SAC3D1: variants seen among roughly 807,000 people sequenced by gnomAD.
SAC3D1 encodes SAC3 domain containing 1.
SAC3D1 carries 10 observed loss-of-function variants against 12.7 expected under a neutral mutation model. The observed-to-expected ratio is 0.79, with a 90% CI of 0.49 to 1.34. The LOEUF is 1.34. SAC3D1 is among the 40% of genes most tolerant of loss of function. The pLI, the probability that SAC3D1 is intolerant of heterozygous loss-of-function variation, is 0.00. For missense variants in SAC3D1, 482 were observed against 531.1 expected (o/e 0.91, Z 0.91); for synonymous variants, 241 against 250.8 (o/e 0.96, Z 0.37).
chr11:65,044,015 G>A lies in SAC3D1; in HGVS notation c.575-210G>A, dbSNP rs1259258277. Among the ~76,000 whole-genome samples the A allele has an allele frequency of 1.3e-5, 2 of 152,218 alleles. No individual in the cohort carries two copies. The highest frequency in any genetic ancestry group is 2.9e-5 in the Non-Finnish European group (2 of 68,042). ...CTTCAGTGTTGTAAGTAAGGATCTGGACTGCAGGAAGTCAAGAGCCTGAGG... is the reference window on the plus strand; with the variant it reads ...CTTCAGTGTTGTAAGTAAGGATCTGAACTGCAGGAAGTCAAGAGCCTGAGG... On this transcript the variant is annotated intron_variant, in intron 1 of 1. Coordinates refer to ENST00000652489, the MANE Select transcript of SAC3D1 (RefSeq NM_013299.4). This position sits in a 1 kb window ranked among gnomAD's most constrained non-coding sequence, Gnocchi z 4.0.
At chr11:65,042,250 A>G (rs964479468) in intron 1 of SAC3D1, among the ~76,000 whole-genome samples, 3 of 151,850 alleles carry the variant, frequency 2.0e-5, no homozygotes, top group Non-Finnish European at 4.4e-5. Flanking sequence ...GGCGCGCGCC[A>G]CCACACCCAG....
intron 1 of SAC3D1, 33 bp downstream of exon 1, chr11:65,041,899 T>G (rs1413914160): frequency 2.1e-6 from 3 of 1,398,602 alleles, no homozygotes; most frequent in Non-Finnish European, 2.8e-6. Context: ...GGGCAGAGCG[T>G]GGGGACAGGA....
chr11:65,042,927 G>A lies in SAC3D1; in HGVS notation c.574+1061G>A, dbSNP rs1157604512. ...TATAGTTCACTGCAGCCTCAACCTCGTGGGCTCAAGGGATCCTTCTGCCTC... is the reference window on the plus strand; with the variant it reads ...TATAGTTCACTGCAGCCTCAACCTCATGGGCTCAAGGGATCCTTCTGCCTC... On this transcript the variant is annotated intron_variant, in intron 1 of 1. Coordinates refer to ENST00000652489, the MANE Select transcript of SAC3D1 (RefSeq NM_013299.4). 1.6e-5 allele frequency: 5 copies of A among 320,296 alleles called. No homozygotes were observed. The East Asian group carries it at 4.9e-4, about 31-fold the overall frequency. The allele number at this position is 320,296 out of a possible 1,614,324, so 19.8% of individuals were successfully genotyped here. A position where few individuals can be genotyped will look rare whatever the true frequency, so the allele number is the denominator to read the frequency against.
Position 65,044,215 on chromosome 11 carries a change from G to T in SAC3D1, c.575-10G>T. 1 of 1,610,588 alleles carries T rather than the reference G, an allele frequency of 6.2e-7. No individual in the cohort carries two copies. The highest frequency in any genetic ancestry group is 8.5e-7 in the Non-Finnish European group (1 of 1,178,464). The stretch of plus-strand genomic sequence containing the variant: ...CCAGGCGTCCTCATTCTGGCTTCCC[G>T]CTCTCACAGGCTCGGTGGAAGCCCT... On this transcript the variant is annotated splice_polypyrimidine_tract_variant and intron_variant, in intron 1 of 1. Coordinates refer to ENST00000652489, the MANE Select transcript of SAC3D1 (RefSeq NM_013299.4). The surrounding 1 kb of genome is among the most constrained non-coding windows in gnomAD (Gnocchi z 4.0).
intron 1 of SAC3D1, chr11:65,043,056 C>T: frequency 2.2e-6 from 1 of 447,170 alleles, no homozygotes; most frequent in South Asian, 1.6e-5. Context: ...CACTCGAATT[C>T]CTGGGCTCAA....
At position 65,041,636 on chromosome 11, in the gene SAC3D1, A is replaced by G. The variant is rs1415282510; in HGVS notation, c.344A>G (p.Gln115Arg). 1 of 1,450,260 alleles carries G rather than the reference A, an allele frequency of 6.9e-7. No individual in the cohort carries two copies. Among genetic ancestry groups the G allele is most frequent in the South Asian group, 1.3e-5 (1 of 75,030 alleles). The allele number at this position is 1,450,260 out of a possible 1,614,324, so 89.8% of individuals were successfully genotyped here. ...LRAVLLDLAL[Q>R]GAGDAEAAVV... The stretch of plus-strand genomic sequence containing the variant: ...GCTGTGCTCCTGGACCTGGCGCTGC[A>G]GGGAGCGGGCGACGCCGAGGCAGCT... The change falls in exon 1 of 2, where the codon CAG becomes CGG. Residue 115 changes from glutamine to arginine, a missense_variant. Physicochemically the swap from Gln to Arg is conservative, Grantham distance 43. Coordinates refer to ENST00000652489, the MANE Select transcript of SAC3D1 (RefSeq NM_013299.4).
Position 65,044,458 on chromosome 11 carries a change from G to A in SAC3D1, c.808G>A (p.Gly270Ser). 1 of 1,613,962 alleles carries A rather than the reference G, an allele frequency of 6.2e-7. No individual in the cohort carries two copies. The highest frequency in any genetic ancestry group is 8.5e-7 in the Non-Finnish European group (1 of 1,180,034). ...CGCTCGTGCCTTTAGCACCCCCAAG[G>A]GCCAGACCTTGCCTCTGGGCTTCAT... The part of the protein sequence containing the change: ...RFARAFSTPK[G>S]QTLPLGFMVN... The change falls in exon 2 of 2, where the codon GGC (glycine) becomes AGC (serine). Residue 270 changes from glycine (G) to serine (S), a missense_variant. Coordinates refer to ENST00000652489, the MANE Select transcript of SAC3D1 (RefSeq NM_013299.4). The surrounding 1 kb of genome is among the most constrained non-coding windows in gnomAD (Gnocchi z 4.0).
rs1174409996 is a variant in SAC3D1, at chr11:65,041,211, C to T, written c.-82C>T. The T allele has an allele frequency of 1.6e-6, 2 of 1,213,034 alleles. No individual in the cohort carries two copies. Among genetic ancestry groups the T allele is most frequent in the East Asian group, 7.2e-5 (2 of 27,716 alleles). 75.1% of individuals were successfully genotyped at this position (1,213,034 alleles called of 1,614,324 possible). On this transcript the variant is annotated 5_prime_UTR_variant, in exon 1 of 2. Transcript: ENST00000652489. ...CCCGCCCCGACCCGCCGCTCCCCAC[C>T]CCCCGGCCGGCCTCGCGTGCCTTCC...
At position 65,044,661 on chromosome 11, in the gene SAC3D1, C is replaced by G; in HGVS notation, c.1011C>G (p.Thr337=). 1.2e-6 allele frequency: 2 copies of G among 1,613,678 alleles called. No individual in the cohort carries two copies. The highest frequency in any genetic ancestry group is 8.5e-7 in the Non-Finnish European group (1 of 1,180,008). ...VLVESKLRGR[T]LEEVVMAEEE... is the part of the protein sequence containing the mutation. ...TGGAGAGCAAACTTCGAGGACGTAC[C>G]CTGGAGGAGGTGGTCATGGCAGAGG... The change falls in exon 2 of 2, where the codon ACC becomes ACG. Residue 337 remains threonine, a synonymous_variant. Coordinates refer to ENST00000652489, the MANE Select transcript of SAC3D1 (RefSeq NM_013299.4). This position sits in a 1 kb window ranked among gnomAD's most constrained non-coding sequence, Gnocchi z 4.0.
In SAC3D1 at chr11:65,044,236, G is replaced by T. The variant is rs376396030; in HGVS notation, c.586G>T (p.Ala196Ser). 17 of 1,612,518 alleles carry T rather than the reference G, an allele frequency of 1.1e-5. No homozygotes were observed. In the African/African-American group the frequency reaches 2.3e-4, roughly 21 times the overall value. Residue 196 changes from alanine to serine, a missense_variant, in exon 2 of 2, where the codon GCC (alanine) becomes TCC (serine). Around this residue, in one of 3 missense-constraint regions of SAC3D1, gnomAD observed 225 missense variants for 241.1 expected, o/e 0.93. Transcript: ENST00000652489. This position sits in a 1 kb window ranked among gnomAD's most constrained non-coding sequence, Gnocchi z 4.0. The stretch of plus-strand genomic sequence containing the variant: ...TCCCGCTCTCACAGGCTCGGTGGAA[G>T]CCCTGCATGAGGTTCTACAGCTGCC... ...FLLYNLGSVE[A>S]LHEVLQLPAA...
Position 65,044,296 on chromosome 11 carries a change from G to GC in SAC3D1, c.648dup (p.Ala218GlyfsTer49), listed in dbSNP as rs1565212503. 6.2e-7 allele frequency: 1 copy of GC among 1,613,352 alleles called. No homozygotes were observed. The highest frequency in any genetic ancestry group is 1.1e-5 in the South Asian group (1 of 91,084). On this transcript the variant is annotated frameshift_variant, in exon 2 of 2. Transcript: ENST00000652489. LOFTEE classifies it low-confidence loss of function (END_TRUNC). The surrounding 1 kb of genome is among the most constrained non-coding windows in gnomAD (Gnocchi z 4.0). The stretch of plus-strand genomic sequence containing the variant: ...GCGCGCCTGCCCGCCCCTCCGCAAG[G>GC]CCTTGGCGGTAGATGCTGCCTTCCG...
rs1023517294 is a variant in SAC3D1, at chr11:65,041,890, G to A, written c.574+24G>A. The A allele has an allele frequency of 9.8e-5, 138 of 1,409,850 alleles. 1 individual carries two copies. In the East Asian group the frequency reaches 4.2e-3, roughly 43 times the overall value. The allele number at this position is 1,409,850 out of a possible 1,614,324, so 87.3% of individuals were successfully genotyped here. A position where few individuals can be genotyped will look rare whatever the true frequency, so the allele number is the denominator to read the frequency against. On this transcript the variant is annotated intron_variant, in intron 1 of 1. Transcript: ENST00000652489. ...GGGTGAGTCGGGATCCTGGCGGCTG[G>A]GCAGAGCGTGGGGACAGGAGCCCAC...
intron 1 of SAC3D1, 129 bp downstream of exon 1, chr11:65,041,995 ACCG>A: frequency 8.3e-7 from 1 of 1,204,642 alleles, no homozygotes; most frequent in African/African-American, 1.6e-5. Context: ...CACAAGATCC[ACCG>A]AGCCCCGACG....
In SAC3D1 at chr11:65,042,700, C is replaced by T. The variant is rs145908899; in HGVS notation, c.574+834C>T. Among the ~76,000 whole-genome samples the T allele has an allele frequency of 3.9e-3, 590 of 152,226 alleles. 3 individuals carry two copies. The highest frequency in any genetic ancestry group is 0.014 in the African/African-American group (573 of 41,538). ...GGGACTACAGGCGTGCACCACCACACCCGGCTAGTGTTTGGATATTTAGTA... is the reference window on the plus strand; with the variant it reads ...GGGACTACAGGCGTGCACCACCACATCCGGCTAGTGTTTGGATATTTAGTA... On this transcript the variant is annotated intron_variant, in intron 1 of 1. Coordinates refer to ENST00000652489, the MANE Select transcript of SAC3D1 (RefSeq NM_013299.4).
Position 65,044,456 on chromosome 11 carries a change from A to C in SAC3D1, c.806A>C (p.Lys269Thr). 6.2e-7 allele frequency: 1 copy of C among 1,613,954 alleles called. No homozygotes were observed. Among genetic ancestry groups the C allele is most frequent in the Non-Finnish European group, 8.5e-7 (1 of 1,180,034 alleles). ...TTCGCTCGTGCCTTTAGCACCCCCAAGGGCCAGACCTTGCCTCTGGGCTTC... is the reference window on the plus strand; with the variant it reads ...TTCGCTCGTGCCTTTAGCACCCCCACGGGCCAGACCTTGCCTCTGGGCTTC... ...ARFARAFSTP[K>T]GQTLPLGFMV... The change falls in exon 2 of 2, where the codon AAG (lysine) becomes ACG (threonine). Residue 269 changes from lysine to threonine, a missense_variant. Lys to Thr is a moderately conservative substitution (Grantham distance 78). Around this residue, in one of 3 missense-constraint regions of SAC3D1, gnomAD observed 225 missense variants for 241.1 expected, o/e 0.93. Coordinates refer to ENST00000652489, the MANE Select transcript of SAC3D1 (RefSeq NM_013299.4). The surrounding 1 kb of genome is among the most constrained non-coding windows in gnomAD (Gnocchi z 4.0).
upstream of SAC3D1, chr11:65,041,105 G>A: frequency 1.6e-6 from 1 of 631,434 alleles, no homozygotes; most frequent in East Asian, 3.4e-5. Context: ...CGACTGGACT[G>A]GGTGAGAGGA....
chr11:65,041,312 C>A lies in SAC3D1; in HGVS notation c.20C>A (p.Pro7His), dbSNP rs1447888055. ...CCCCTCATGCCCGGCTGCGAGCTGC[C>A]CGTGGGCACCTGCCCGGACATGTGC... Reference protein sequence around the residue: MPGCELPVGTCPDMCPA... With the variant: MPGCELHVGTCPDMCPA... Residue 7 changes from proline (P) to histidine (H), a missense_variant, in exon 1 of 2, where the codon CCC (proline) becomes CAC (histidine). Around this residue, in one of 3 missense-constraint regions of SAC3D1, gnomAD observed 197 missense variants for 183.2 expected, o/e 1.08. Coordinates refer to ENST00000652489, the MANE Select transcript of SAC3D1 (RefSeq NM_013299.4). 2 of 1,508,420 alleles carry A rather than the reference C, an allele frequency of 1.3e-6. No homozygotes were observed. Among genetic ancestry groups the A allele is most frequent in the Non-Finnish European group, 1.8e-6 (2 of 1,136,004 alleles). The allele number at this position is 1,508,420 out of a possible 1,614,324, so 93.4% of individuals were successfully genotyped here.
In SAC3D1 at chr11:65,044,196, G is replaced by T. The variant is rs770398124; in HGVS notation, c.575-29G>T. 1.2e-5 allele frequency: 20 copies of T among 1,606,240 alleles called. No homozygotes were observed. The highest frequency in any genetic ancestry group is 1.6e-5 in the Non-Finnish European group (19 of 1,176,184). ...GAGCCTGATCCTGTAAGGACCAGGC[G>T]TCCTCATTCTGGCTTCCCGCTCTCA... is the stretch of plus-strand genomic sequence containing the variant. On this transcript the variant is annotated intron_variant, in intron 1 of 1. Transcript: ENST00000652489. The surrounding 1 kb of genome is among the most constrained non-coding windows in gnomAD (Gnocchi z 4.0).
At chr11:65,041,189 G>A (rs1053649376), upstream of SAC3D1, 2 of 1,112,906 alleles carry the variant, frequency 1.8e-6, no homozygotes, top group Non-Finnish European at 1.2e-6. Flanking sequence ...GTTCAGCCCC[G>A]CCCCGACCCG....
Sources: gnomAD v4.1 joint callset for allele counts (sites outside exome capture counted in the v4.1 genomes callset) on GRCh38, gnomAD v4.1.1 for gene constraint, gnomAD v4.1.1 regional missense constraint, Gnocchi (gnomAD v3.1) non-coding constraint, MANE v1.5 for transcripts, NCBI Gene and HGNC (gene_info 2026-07-23, HGNC 2026-07-21) for gene names.